ADGRB3: variants seen among roughly 807,000 people sequenced by gnomAD.
ADGRB3 encodes the protein brain-specific angiogenesis inhibitor 3.
In ADGRB3, 37 loss-of-function variants were observed where a neutral mutation model predicts 193.4. The observed-to-expected ratio is 0.19, with a 90% CI of 0.15 to 0.25. The LOEUF is 0.25. Ranked by LOEUF, ADGRB3 falls within the 10% of genes least tolerant of loss-of-function variation. The pLI is 1.00. For missense variants in ADGRB3, 1,637 were observed against 1,852.9 expected, an observed-to-expected ratio of 0.88 and a Z score of 2.14; for synonymous variants, 690 against 644.2, an observed-to-expected ratio of 1.07 and a Z score of -1.08.
At chr6:68,972,298 CTG>C (rs1768595873) in intron 8 of ADGRB3, among the ~76,000 whole-genome samples, 1 of 152,132 alleles carries the variant, frequency 6.6e-6, no homozygotes, top group African/African-American at 2.4e-5. Context: ...CCAAGCCAAA[CTG>C]TGACAAATCC....
intron 17 of ADGRB3, among the ~76,000 whole-genome samples, chr6:69,106,238 T>G (rs1385472888): frequency 6.6e-6 from 1 of 151,182 alleles, no homozygotes; most frequent in Non-Finnish European, 1.5e-5. Context: ...TGTTATGTTA[T>G]TTTATGTTAT....
Position 68,943,899 on chromosome 6 carries a change from C to T in ADGRB3, c.1100C>T (p.Thr367Ile). The T allele has an allele frequency of 6.2e-7, 1 of 1,613,904 alleles. No homozygotes were observed. Among genetic ancestry groups the T allele is most frequent in the Non-Finnish European group, 8.5e-7 (1 of 1,179,844 alleles). Reference protein sequence around the residue: ...CSFTCGRGQRTRTRSCTPPQY... With the variant: ...CSFTCGRGQRIRTRSCTPPQY... ...TTTACATGTGGTCGAGGCCAAAGAA[C>T]AAGAACAAGGTCATGCACACCTCCT... Residue 367 changes from threonine (T) to isoleucine (I), a missense_variant, in exon 6 of 32, where the codon ACA becomes ATA. This residue lies in a region of ADGRB3 where 641 missense variants were observed against 673.9 expected (regional missense o/e 0.95). Coordinates refer to ENST00000370598, the MANE Select transcript of ADGRB3 (RefSeq NM_001704.3).
chr6:69,246,982 A>C (rs900058374), intron 20 of ADGRB3, among the ~76,000 whole-genome samples: 18 of 152,092 alleles, frequency 1.2e-4, no homozygotes, highest in African/African-American at 3.9e-4. Flanking sequence ...GACAATGCAA[A>C]GAAACTCCAT....
chr6:69,251,562 G>A (rs1176364469), intron 20 of ADGRB3, among the ~76,000 whole-genome samples: 1 of 152,116 alleles, frequency 6.6e-6, no homozygotes, highest in Non-Finnish European at 1.5e-5. Flanking sequence ...AAATCTAGAA[G>A]TAGGGAGGAG....
chr6:68,735,274 A>G (rs1302638442), intron 3 of ADGRB3, among the ~76,000 whole-genome samples: 1 of 152,004 alleles, frequency 6.6e-6, no homozygotes, highest in Non-Finnish European at 1.5e-5. Flanking sequence ...AATCTAAGAC[A>G]TACGTGAAAA....
At chr6:68,924,881 G>A (rs1314041532) in intron 3 of ADGRB3, among the ~76,000 whole-genome samples, 1 of 151,494 alleles carries the variant, frequency 6.6e-6, no homozygotes, top group Non-Finnish European at 1.5e-5. Flanking sequence ...TTTTAATATT[G>A]ATTAATCTTA....
chr6:68,756,116 A>G (rs1375904751), intron 3 of ADGRB3, among the ~76,000 whole-genome samples: 4 of 152,090 alleles, frequency 2.6e-5, no homozygotes, highest in Non-Finnish European at 5.9e-5. Flanking sequence ...TTCACCTGCT[A>G]GCTAACTCGG....
intron 3 of ADGRB3, among the ~76,000 whole-genome samples, chr6:68,741,100 A>G (rs1765971842): frequency 2.6e-5 from 4 of 152,194 alleles, no homozygotes; most frequent in African/African-American, 4.8e-5. Flanking sequence ...TTGACAGGAA[A>G]AAAAAATGAA....
chr6:69,301,386 T>G (rs954424070), intron 20 of ADGRB3, among the ~76,000 whole-genome samples: 1 of 151,830 alleles, frequency 6.6e-6, no homozygotes, highest in Non-Finnish European at 1.5e-5. Flanking sequence ...CATAGCCACC[T>G]CCTGTTGCTG....
chr6:68,844,320 T>C (rs1768229903), intron 3 of ADGRB3, among the ~76,000 whole-genome samples: 1 of 151,882 alleles, frequency 6.6e-6, no homozygotes, highest in Admixed American at 6.6e-5. Context: ...CAAACAACTC[T>C]ATAAGAAAAA....
rs117800044 is a variant in ADGRB3, at chr6:69,320,017, T to C, written c.2815-4855T>C. Among the ~76,000 whole-genome samples, 9 of 151,590 alleles carry C rather than the reference T, an allele frequency of 5.9e-5. No homozygotes were observed. The East Asian group carries it at 1.7e-3, about 29-fold the overall frequency. ...TCTTGCTTACCTTTAATTGAACAGA[T>C]AGATTTTTCTTAGTTCAATTTTTTC... is the stretch of plus-strand genomic sequence containing the variant. On this transcript the variant is annotated intron_variant, in intron 20 of 31. Transcript: ENST00000370598.
At chr6:68,930,010 T>A (rs1339315620) in intron 3 of ADGRB3, among the ~76,000 whole-genome samples, 2 of 150,222 alleles carry the variant, frequency 1.3e-5, no homozygotes, top group African/African-American at 4.9e-5. Context: ...GAATGAACAA[T>A]GCCACTATAT....
At chr6:69,120,630 G>T (rs1773654495) in intron 17 of ADGRB3, among the ~76,000 whole-genome samples, 1 of 152,216 alleles carries the variant, frequency 6.6e-6, no homozygotes, top group Admixed American at 6.5e-5. Flanking sequence ...TGCAAATTAA[G>T]CACCCTGTAA....
chr6:69,331,384 C>T (rs1768725148), intron 23 of ADGRB3, among the ~76,000 whole-genome samples: 1 of 152,062 alleles, frequency 6.6e-6, no homozygotes, highest in South Asian at 2.1e-4. Context: ...AGGAAAGAAA[C>T]TGTCTAAATT....
At chr6:69,043,334 G>GAAAGAAAGGAAGAAAGAAAGAA (rs1554252122) in intron 13 of ADGRB3, among the ~76,000 whole-genome samples, 1,112 of 110,074 alleles carry the variant, frequency 0.01, 29 homozygotes, top group Non-Finnish European at 0.016. Context: ...GAAAGAAAGA[G>GAAAGAAAGGAAGAAAGAAAGAA]AAAGAAAAGA....
At chr6:68,828,588 T>TA (rs1230634240) in intron 3 of ADGRB3, among the ~76,000 whole-genome samples, 3 of 152,032 alleles carry the variant, frequency 2.0e-5, no homozygotes, top group African/African-American at 7.3e-5. Context: ...ATATCAAAAT[T>TA]AAAAAACAAA....
intron 17 of ADGRB3, among the ~76,000 whole-genome samples, chr6:69,080,562 C>T (rs1472955490): frequency 6.6e-6 from 1 of 151,752 alleles, no homozygotes; most frequent in Non-Finnish European, 1.5e-5. Context: ...CCACGTAAAA[C>T]AGCAATATCA....
At chr6:68,937,020 A>G (rs1767504180) in intron 5 of ADGRB3, among the ~76,000 whole-genome samples, 1 of 152,208 alleles carries the variant, frequency 6.6e-6, no homozygotes, top group Admixed American at 6.5e-5. Flanking sequence ...ATCTGCCTAC[A>G]TACTAAAAAT....
chr6:68,706,700 TG>T (rs1230310392), intron 3 of ADGRB3, among the ~76,000 whole-genome samples: 2 of 152,220 alleles, frequency 1.3e-5, no homozygotes, highest in Non-Finnish European at 2.9e-5. Flanking sequence ...AGAATAAGTT[TG>T]GGACTTAATG....
Sources: allele counts gnomAD v4.1 joint callset (sites outside exome capture counted in the v4.1 genomes callset), GRCh38; gene constraint gnomAD v4.1.1; regional missense constraint gnomAD v4.1.1; transcripts MANE v1.5; gene names NCBI Gene and HGNC (gene_info 2026-07-23, HGNC 2026-07-21).